Variants in NEU3 observed in about 807,000 individuals in gnomAD.
NEU3 encodes sialidase-3.
A neutral mutation model predicts 11.4 loss-of-function variants in NEU3; 10 were observed. The ratio of observed to expected loss-of-function variants is 0.88; its 90% CI spans 0.54 to 1.49. The LOEUF (loss-of-function observed/expected upper bound fraction) is 1.49. NEU3 is among the 40% of genes most tolerant of loss of function. The probability of loss-of-function intolerance (pLI) is 0.00; values close to 1 mark genes in which losing one functional copy is unlikely to be tolerated. For synonymous variants in NEU3, 212 were observed against 228.2 expected (o/e 0.93, Z 0.64); for missense variants, 529 against 581.8 (o/e 0.91, Z 0.93).
rs1405047954 is a variant in NEU3, at chr11:75,008,196, G to A, written c.*1704G>A. 2 of 152,144 alleles carry A rather than the reference G, an allele frequency of 1.3e-5. No homozygotes were observed. Among genetic ancestry groups the A allele is most frequent in the Non-Finnish European group, 2.9e-5 (2 of 68,038 alleles). The allele number at this position is 152,144 out of a possible 1,614,324, so 9.4% of individuals were successfully genotyped here. A position where few individuals can be genotyped will look rare whatever the true frequency, so the allele number is the denominator to read the frequency against. ...ATTCCTTGGCTCTAAATCATTTGTG[G>A]TTCTCCATTGCCTATTATAATGTAA... On this transcript the variant is annotated 3_prime_UTR_variant, in exon 3 of 3. Transcript: ENST00000294064.
rs1948916361 is a variant in NEU3 at position 75,007,997 on chromosome 11, T to C, written c.*1505T>C. ...AGTCCTACAGGATAAAAGTGGAGATTAACTTTACCTACTTTAGCAGATTGC... is the reference window on the plus strand; with the variant it reads ...AGTCCTACAGGATAAAAGTGGAGATCAACTTTACCTACTTTAGCAGATTGC... On this transcript the variant is annotated 3_prime_UTR_variant, in exon 3 of 3. Transcript: ENST00000294064. 1 of 152,096 alleles carries C rather than the reference T, an allele frequency of 6.6e-6. No homozygotes were observed. The highest frequency in any genetic ancestry group is 2.4e-5 in the African/African-American group (1 of 41,384). 9.4% of individuals were successfully genotyped at this position (152,096 alleles called of 1,614,324 possible). A position where few individuals can be genotyped will look rare whatever the true frequency, so the allele number is the denominator to read the frequency against.
At chr11:75,019,996 G>T (rs1264161086), downstream of NEU3, among the ~76,000 whole-genome samples, 1 of 152,210 alleles carries the variant, frequency 6.6e-6, no homozygotes, top group South Asian at 2.1e-4. Flanking sequence ...GGGAAGAACT[G>T]CCCAAGAACA....
At chr11:74,993,941 C>A (rs1362982945) in intron 1 of NEU3, among the ~76,000 whole-genome samples, 1 of 152,058 alleles carries the variant, frequency 6.6e-6, no homozygotes, top group Non-Finnish European at 1.5e-5. Context: ...AGAGGCCCCA[C>A]CTCTCAACAC....
chr11:74,981,525 C>T, the NEU3 span, among the ~76,000 whole-genome samples: 1 of 152,154 alleles, frequency 6.6e-6, no homozygotes, highest in Non-Finnish European at 1.5e-5. Context: ...TGTAGTCATC[C>T]ATCTAGGCCT....
At chr11:75,003,895 A>T (rs528763690) in intron 2 of NEU3, among the ~76,000 whole-genome samples, 9 of 152,204 alleles carry the variant, frequency 5.9e-5, no homozygotes, top group African/African-American at 2.2e-4. Context: ...CTCAAAAAAA[A>T]AAAAATTATG....
upstream of NEU3, among the ~76,000 whole-genome samples, chr11:74,984,416 G>C (rs1291327404): frequency 6.6e-6 from 1 of 152,112 alleles, no homozygotes; most frequent in Non-Finnish European, 1.5e-5. Context: ...ATGGGAATTG[G>C]GGCTCAGAAC....
At chr11:74,996,178 A>G (rs867514659) in intron 2 of NEU3, among the ~76,000 whole-genome samples, 1 of 152,110 alleles carries the variant, frequency 6.6e-6, no homozygotes, top group Non-Finnish European at 1.5e-5. Context: ...TAAGACAACA[A>G]TGAAGTTTGC....
intron 1 of NEU3, among the ~76,000 whole-genome samples, chr11:74,992,821 G>A (rs140988129): frequency 3.3e-5 from 5 of 152,128 alleles, no homozygotes; most frequent in Non-Finnish European, 5.9e-5. Context: ...TTAGCTGGGC[G>A]TGCTGGCGGG....
chr11:75,005,759 C>T lies in NEU3; in HGVS notation c.653C>T (p.Ser218Phe). The change falls in exon 3 of 3, where the codon TCC (serine) becomes TTC (phenylalanine). Residue 218 changes from serine (S) to phenylalanine (F), a missense_variant. By Grantham distance (155) the Ser-to-Phe change is radical (BLOSUM62 -2). Coordinates refer to ENST00000294064, the MANE Select transcript of NEU3 (RefSeq NM_006656.6). ...VIPAYTYYIPSWFFCFQLPCK... is the reference protein window; with the variant it reads ...VIPAYTYYIPFWFFCFQLPCK... The stretch of plus-strand genomic sequence containing the variant: ...CCTGCGTATACCTACTACATCCCTT[C>T]CTGGTTCTTTTGCTTCCAGCTACCA... 1 of 1,613,854 alleles carries T rather than the reference C, an allele frequency of 6.2e-7. No homozygotes were observed. The highest frequency in any genetic ancestry group is 8.5e-7 in the Non-Finnish European group (1 of 1,179,756).
At chr11:74,985,076 A>C (rs144230587), upstream of NEU3, among the ~76,000 whole-genome samples, 222 of 152,326 alleles carry the variant, frequency 1.5e-3, no homozygotes, top group South Asian at 4.1e-3. Context: ...AGACCATCTG[A>C]GTTTACCTCA....
intron 1 of NEU3, among the ~76,000 whole-genome samples, chr11:74,991,049 T>A (rs770977617): frequency 1.5e-4 from 23 of 152,172 alleles, no homozygotes; most frequent in Non-Finnish European, 2.9e-4. Flanking sequence ...CTCTGCTGAA[T>A]TGTATAGGGG....
rs1442394044 is a variant in NEU3, at chr11:75,009,033, A to C, written c.*2541A>C. On this transcript the variant is annotated 3_prime_UTR_variant, in exon 3 of 3. Coordinates refer to ENST00000294064, the MANE Select transcript of NEU3 (RefSeq NM_006656.6). ...TTTCTCTTTAATGACTAGCATCGAA[A>C]CTCTTTAAATGGGGCAGGCCTGTGT... The C allele has an allele frequency of 1.3e-5, 2 of 152,116 alleles. No homozygotes were observed. Among genetic ancestry groups the C allele is most frequent in the Non-Finnish European group, 2.9e-5 (2 of 68,058 alleles). The allele number at this position is 152,116 out of a possible 1,614,324, so 9.4% of individuals were successfully genotyped here.
rs1948914873 is a variant in NEU3, at chr11:75,007,901, G to T, written c.*1409G>T. ...TATTTGGTGTTGTACAATGACCACA[G>T]AGAACAAGTCTTAGTCATGAAATAT... On this transcript the variant is annotated 3_prime_UTR_variant, in exon 3 of 3. Coordinates refer to ENST00000294064, the MANE Select transcript of NEU3 (RefSeq NM_006656.6). The T allele has an allele frequency of 6.6e-6, 1 of 152,122 alleles. No individual in the cohort carries two copies. Among genetic ancestry groups the T allele is most frequent in the Admixed American group, 6.5e-5 (1 of 15,272 alleles). 9.4% of individuals were successfully genotyped at this position (152,122 alleles called of 1,614,324 possible).
At chr11:74,992,663 A>G (rs1948745241) in intron 1 of NEU3, among the ~76,000 whole-genome samples, 1 of 152,176 alleles carries the variant, frequency 6.6e-6, no homozygotes, top group African/African-American at 2.4e-5. Flanking sequence ...ATGGTGGGTA[A>G]AATATAACAA....
At chr11:74,991,210 G>A (rs1948729039) in intron 1 of NEU3, among the ~76,000 whole-genome samples, 1 of 152,182 alleles carries the variant, frequency 6.6e-6, no homozygotes, top group Admixed American at 6.5e-5. Flanking sequence ...GGGGAGGAGA[G>A]CCTGAATTGA....
chr11:75,011,723 T>C (rs1044322215), downstream of NEU3, among the ~76,000 whole-genome samples: 2 of 126,510 alleles, frequency 1.6e-5, no homozygotes, highest in Non-Finnish European at 1.9e-5. Flanking sequence ...TCTATATATG[T>C]AGCTTGCAAC....
At chr11:75,019,849 A>G (rs1365697112), downstream of NEU3, among the ~76,000 whole-genome samples, 1 of 152,190 alleles carries the variant, frequency 6.6e-6, no homozygotes, top group African/African-American at 2.4e-5. Flanking sequence ...GAGCTGTGAG[A>G]AGAGGGCCAC....
rs1948939767 is a variant in NEU3 at position 75,009,907 on chromosome 11, T to A, written c.*3415T>A. 1 of 152,240 alleles carries A rather than the reference T, an allele frequency of 6.6e-6. No individual in the cohort carries two copies. Among genetic ancestry groups the A allele is most frequent in the Non-Finnish European group, 1.5e-5 (1 of 68,066 alleles). 9.4% of individuals were successfully genotyped at this position (152,240 alleles called of 1,614,324 possible). A position where few individuals can be genotyped will look rare whatever the true frequency, so the allele number is the denominator to read the frequency against. On this transcript the variant is annotated 3_prime_UTR_variant, in exon 3 of 3. Coordinates refer to ENST00000294064, the MANE Select transcript of NEU3 (RefSeq NM_006656.6). ...GACATCAAGCAGCTTCAGCCACGGG[T>A]AAGAGGCTTTTCACCCTGCCTGTTG... is the stretch of plus-strand genomic sequence containing the variant.
chr11:74,987,157 A>C (rs779551768), upstream of NEU3, among the ~76,000 whole-genome samples: 2 of 152,190 alleles, frequency 1.3e-5, no homozygotes, highest in Non-Finnish European at 2.9e-5. Context: ...ATGAAGGAGA[A>C]CTTTTCCCCA....
Sources: allele counts gnomAD v4.1 joint callset (sites outside exome capture counted in the v4.1 genomes callset), GRCh38; gene constraint gnomAD v4.1.1; transcripts MANE v1.5; gene names NCBI Gene and HGNC (gene_info 2026-07-23, HGNC 2026-07-21).